Variants in SCTR observed in about 807,000 individuals in gnomAD.
SCTR encodes secretin receptor.
A neutral mutation model predicts 60.8 loss-of-function variants in SCTR; 56 were observed. The ratio of observed to expected loss-of-function variants is 0.92; its 90% CI spans 0.74 to 1.15. The LOEUF (loss-of-function observed/expected upper bound fraction) is 1.15, where lower values mean the gene tolerates loss of function less well. SCTR is among the 50% of genes most tolerant of loss of function. The pLI is 0.00. For missense variants in SCTR, 562 were observed against 550.4 expected (o/e 1.02, Z -0.21); for synonymous variants, 202 against 217.0 (o/e 0.93, Z 0.61).
intron 4 of SCTR, among the ~76,000 whole-genome samples, chr2:119,473,241 C>T (rs963747133): frequency 2.0e-5 from 3 of 152,190 alleles, no homozygotes; most frequent in Non-Finnish European, 4.4e-5. Flanking sequence ...TCCTCCTAAC[C>T]ATCATCTCCG....
intron 7 of SCTR, among the ~76,000 whole-genome samples, chr2:119,454,670 A>G (rs990038107): frequency 1.3e-5 from 2 of 152,124 alleles, no homozygotes; most frequent in East Asian, 3.9e-4. Flanking sequence ...CCTGGCCAAC[A>G]TGGCAAAACC....
At chr2:119,510,908 A>G (rs1050238166) in intron 1 of SCTR, among the ~76,000 whole-genome samples, 2 of 152,012 alleles carry the variant, frequency 1.3e-5, no homozygotes, top group Non-Finnish European at 2.9e-5. Context: ...TTTTAAAATT[A>G]TATTCTTGGC....
At chr2:119,444,222 TAC>T (rs1280221690) in intron 11 of SCTR, among the ~76,000 whole-genome samples, 1 of 143,280 alleles carries the variant, frequency 7.0e-6, no homozygotes, top group Non-Finnish European at 1.5e-5. Context: ...TATGAATATA[TAC>T]ACATATACAT....
In SCTR at chr2:119,524,277, T is replaced by A; in HGVS notation, c.-51A>T. 2 of 1,250,066 alleles carry A rather than the reference T, an allele frequency of 1.6e-6. No individual in the cohort carries two copies. The highest frequency in any genetic ancestry group is 1.0e-6 in the Non-Finnish European group (1 of 956,154). The allele number at this position is 1,250,066 out of a possible 1,614,324, so 77.4% of individuals were successfully genotyped here. On this transcript the variant is annotated 5_prime_UTR_variant, in exon 1 of 13. Coordinates refer to ENST00000019103, the MANE Select transcript of SCTR (RefSeq NM_002980.3). ...CCCCGACGTCCGCCTGCCCGTGCCC[T>A]CTGCCCGCTCGGGAGCTCAGCGCCC...
chr2:119,474,511 C>T (rs1677178981), intron 3 of SCTR, among the ~76,000 whole-genome samples: 2 of 152,186 alleles, frequency 1.3e-5, no homozygotes, highest in African/African-American at 4.8e-5. Context: ...CTCCCCAGCT[C>T]AGGCCGGTGT....
intron 4 of SCTR, among the ~76,000 whole-genome samples, chr2:119,473,231 T>C (rs1197945500): frequency 6.6e-6 from 1 of 152,122 alleles, no homozygotes; most frequent in East Asian, 1.9e-4. Flanking sequence ...GTGCCTGGGT[T>C]CCTCCTAACC....
intron 1 of SCTR, among the ~76,000 whole-genome samples, chr2:119,512,040 A>T (rs185850178): frequency 1.3e-5 from 2 of 152,146 alleles, no homozygotes; most frequent in East Asian, 3.9e-4. Context: ...GTTCTTAGGT[A>T]TTTTGAAATT....
intron 4 of SCTR, among the ~76,000 whole-genome samples, chr2:119,466,418 C>T (rs542175531): frequency 5.3e-5 from 8 of 152,120 alleles, no homozygotes; most frequent in Non-Finnish European, 1.0e-4. Flanking sequence ...TACAGCTATT[C>T]TGCCCATCTG....
chr2:119,467,552 G>A (rs1207898161), intron 4 of SCTR, among the ~76,000 whole-genome samples: 3 of 152,104 alleles, frequency 2.0e-5, no homozygotes, highest in Non-Finnish European at 4.4e-5. Context: ...CAATCTTTCT[G>A]GAAGGTAATA....
chr2:119,507,579 T>A (rs1678781334), intron 1 of SCTR, among the ~76,000 whole-genome samples: 1 of 151,120 alleles, frequency 6.6e-6, no homozygotes, highest in Non-Finnish European at 1.5e-5. Context: ...TTTCTTTAAA[T>A]CAAGGTTTCT....
chr2:119,487,109 C>T (rs1336965513), intron 2 of SCTR: 1 of 152,154 alleles, frequency 6.6e-6, no homozygotes, highest in African/African-American at 2.4e-5. Flanking sequence ...GGCAAATCCA[C>T]AGAGACAGAA....
intron 1 of SCTR, among the ~76,000 whole-genome samples, chr2:119,499,407 A>G (rs1251695107): frequency 5.3e-5 from 8 of 152,130 alleles, no homozygotes; most frequent in Non-Finnish European, 1.0e-4. Flanking sequence ...CAACAACAGC[A>G]GAATACACAT....
At chr2:119,464,513 G>C (rs1683751836) in intron 5 of SCTR, among the ~76,000 whole-genome samples, 1 of 151,812 alleles carries the variant, frequency 6.6e-6, no homozygotes, top group Non-Finnish European at 1.5e-5. Flanking sequence ...CAGTACTTAG[G>C]GAGGCCAAGG....
intron 2 of SCTR, among the ~76,000 whole-genome samples, chr2:119,490,435 C>T (rs1356125284): frequency 1.3e-5 from 2 of 152,244 alleles, no homozygotes; most frequent in Non-Finnish European, 2.9e-5. Flanking sequence ...CCTGCACTCT[C>T]CTGGTGCAAC....
At chr2:119,450,463 A>G (rs1683118940) in intron 9 of SCTR, among the ~76,000 whole-genome samples, 1 of 152,206 alleles carries the variant, frequency 6.6e-6, no homozygotes, top group South Asian at 2.1e-4. Flanking sequence ...AGCCATGGCA[A>G]ATCAGTTTAT....
intron 12 of SCTR, among the ~76,000 whole-genome samples, chr2:119,440,748 T>A (rs1558828316): frequency 1.3e-5 from 2 of 152,130 alleles, no homozygotes; most frequent in Non-Finnish European, 2.9e-5. Flanking sequence ...TTTAAGTGAT[T>A]TAAGATGGGT....
rs764316645 is a variant in SCTR, at chr2:119,478,822, G to T, written c.290C>A (p.Thr97Asn). The T allele has an allele frequency of 3.1e-6, 5 of 1,614,172 alleles. No homozygotes were observed. In the South Asian group the frequency reaches 5.5e-5, roughly 18 times the overall value. ...VECPRFLRML[T>N]SRNGSLFRNC... is the part of the protein sequence containing the mutation. The stretch of plus-strand genomic sequence containing the variant: ...GGCCGAGTGGTTACCATTTCTGCTG[G>T]TGAGCATCCGGAGGAATCTCGGGCA... Residue 97 changes from threonine to asparagine, a missense_variant, in exon 3 of 13, where the codon ACC becomes AAC. Physicochemically the swap from Thr to Asn is moderately conservative, Grantham distance 65 (BLOSUM62 0). Coordinates refer to ENST00000019103, the MANE Select transcript of SCTR (RefSeq NM_002980.3).
intron 2 of SCTR, among the ~76,000 whole-genome samples, chr2:119,481,883 TCTG>T (rs1371734156): frequency 3.9e-5 from 6 of 152,202 alleles, no homozygotes; most frequent in African/African-American, 1.4e-4. Context: ...ACTTCTACAT[TCTG>T]CATCCAGGGC....
chr2:119,467,603 A>G (rs1218554503), intron 4 of SCTR, among the ~76,000 whole-genome samples: 2 of 152,036 alleles, frequency 1.3e-5, no homozygotes, highest in African/African-American at 2.4e-5. Context: ...TGACCTTTTG[A>G]CCTCCCTTCT....
Sources: gnomAD v4.1 joint callset for allele counts (sites outside exome capture counted in the v4.1 genomes callset) on GRCh38, gnomAD v4.1.1 for gene constraint, MANE v1.5 for transcripts, NCBI Gene and HGNC (gene_info 2026-07-23, HGNC 2026-07-21) for gene names.